Variants in CHN1 observed in about 807,000 individuals in gnomAD.
CHN1 encodes the protein N-chimaerin.
A neutral mutation model predicts 59.5 loss-of-function variants in CHN1; 37 were observed. The observed-to-expected ratio is 0.62, with a 90% CI of 0.48 to 0.82. The LOEUF is 0.82. Among genes scored for constraint, CHN1 ranks in the 40% least tolerant of loss-of-function variants. CHN1 has a pLI of 0.00. For synonymous variants in CHN1, 206 were observed against 200.4 expected, an observed-to-expected ratio of 1.03 and a Z score of -0.24; for missense variants, 469 against 571.0, an observed-to-expected ratio of 0.82 and a Z score of 1.82.
chr2:174,901,328 T>C (rs1169888606), intron 5 of CHN1, among the ~76,000 whole-genome samples: 1 of 152,210 alleles, frequency 6.6e-6, no homozygotes, highest in African/African-American at 2.4e-5. Flanking sequence ...TTCTAGGTTC[T>C]TTCTCTTTGC....
Position 175,004,888 on chromosome 2 carries a change from A to G in CHN1, c.19+6T>C. 6.7e-7 allele frequency: 1 copy of G among 1,503,740 alleles called. No individual in the cohort carries two copies. 93.1% of individuals were successfully genotyped at this position (1,503,740 alleles called of 1,614,324 possible). ...TGCGGCGGCGCGGGGAGACGGCTGC[A>G]CTTACCAAACAGGGTCAGGGCCATT... On this transcript the variant is annotated splice_donor_region_variant and intron_variant, in intron 1 of 12. Transcript: ENST00000409900.
intron 12 of CHN1, 34 bp from the exon 13 acceptor site, chr2:174,800,321 G>A: frequency 2.9e-6 from 4 of 1,395,204 alleles, no homozygotes; most frequent in Non-Finnish European, 3.7e-6. Flanking sequence ...AAATGACTTT[G>A]TGTAAGCCAT....
chr2:174,970,805 C>T (rs116291475), intron 1 of CHN1, among the ~76,000 whole-genome samples: 1,923 of 152,152 alleles, frequency 0.013, 35 homozygotes, highest in African/African-American at 0.043. Context: ...AGTGTAGTAT[C>T]AAAGAAAGAT....
intron 11 of CHN1, among the ~76,000 whole-genome samples, chr2:174,802,761 C>T (rs1684767762): frequency 6.6e-6 from 1 of 152,170 alleles, no homozygotes; most frequent in South Asian, 2.1e-4. Flanking sequence ...TGGGTTAGGC[C>T]AGATGCAGTG....
At chr2:174,857,707 G>A (rs1445014726) in intron 6 of CHN1, among the ~76,000 whole-genome samples, 2 of 151,954 alleles carry the variant, frequency 1.3e-5, no homozygotes, top group African/African-American at 4.8e-5. Flanking sequence ...GAATCTGAGG[G>A]GATACTTGGG....
At chr2:174,947,300 G>T (rs1288701347) in intron 2 of CHN1, among the ~76,000 whole-genome samples, 1 of 152,026 alleles carries the variant, frequency 6.6e-6, no homozygotes, top group Non-Finnish European at 1.5e-5. Context: ...GTTTCAAAGG[G>T]TATATAGTAT....
intron 7 of CHN1, among the ~76,000 whole-genome samples, chr2:174,832,157 T>C (rs1279521031): frequency 2.0e-5 from 3 of 152,084 alleles, no homozygotes. Flanking sequence ...TGTTAACATA[T>C]ATTACAATAT....
chr2:174,846,546 A>C, intron 7 of CHN1: 2 of 1,244,922 alleles, frequency 1.6e-6, no homozygotes, highest in Non-Finnish European at 2.2e-6. Context: ...AAAATCTCCA[A>C]CAGAGGTATT....
At chr2:174,991,209 G>A (rs1438640925) in intron 1 of CHN1, among the ~76,000 whole-genome samples, 2 of 152,186 alleles carry the variant, frequency 1.3e-5, no homozygotes, top group Non-Finnish European at 2.9e-5. Flanking sequence ...ACCAGGGTCT[G>A]AAAGGGAGAC....
At chr2:174,860,690 T>A (rs1375712056) in intron 6 of CHN1, among the ~76,000 whole-genome samples, 1 of 152,218 alleles carries the variant, frequency 6.6e-6, no homozygotes, top group African/African-American at 2.4e-5. Flanking sequence ...AAGTGCTGCA[T>A]GAATAATGTA....
intron 1 of CHN1, among the ~76,000 whole-genome samples, chr2:174,982,651 A>G (rs1323905416): frequency 6.6e-6 from 1 of 152,012 alleles, no homozygotes; most frequent in Non-Finnish European, 1.5e-5. Context: ...GTAATCCTTA[A>G]CCCCACCCAT....
At chr2:174,801,312 A>G (rs574729186) in intron 12 of CHN1, among the ~76,000 whole-genome samples, 1 of 151,936 alleles carries the variant, frequency 6.6e-6, no homozygotes, top group African/African-American at 2.4e-5. Context: ...CTTTTTTTGG[A>G]GCAAGAAGAT....
intron 3 of CHN1, among the ~76,000 whole-genome samples, chr2:174,943,993 A>G (rs1054615997): frequency 1.3e-5 from 2 of 152,090 alleles, no homozygotes; most frequent in East Asian, 1.9e-4. Flanking sequence ...CTTTCATATG[A>G]AAGAGGGACC....
intron 1 of CHN1, among the ~76,000 whole-genome samples, chr2:174,990,913 C>G (rs2105462593): frequency 6.6e-6 from 1 of 152,132 alleles, no homozygotes; most frequent in African/African-American, 2.4e-5. Flanking sequence ...ACTTAAGAGG[C>G]AAAATCATCT....
intron 6 of CHN1, among the ~76,000 whole-genome samples, chr2:174,872,621 C>G (rs187543603): frequency 3.3e-4 from 50 of 152,274 alleles, no homozygotes; most frequent in African/African-American, 1.2e-3. Context: ...AGAGATAGAG[C>G]TATCACCATA....
chr2:174,807,442 CTATCTGTGTGTGTGTGTGTGTGTGTGTG>C (rs1454503933), intron 11 of CHN1, among the ~76,000 whole-genome samples: 5 of 114,276 alleles, frequency 4.4e-5, no homozygotes, highest in Admixed American at 2.7e-4. Flanking sequence ...TTTTCACGGG[CTATCTGTGTGTGTGTGTGTGTGTGTGTG>C]TGTGTGTGTG....
At chr2:174,810,463 C>G (rs1270223761) in intron 10 of CHN1, among the ~76,000 whole-genome samples, 1 of 152,066 alleles carries the variant, frequency 6.6e-6, no homozygotes, top group African/African-American at 2.4e-5. Flanking sequence ...CTCTGGGGTC[C>G]ATAGGAACAT....
At chr2:174,851,331 G>A (rs1686721833) in intron 6 of CHN1, among the ~76,000 whole-genome samples, 2 of 152,004 alleles carry the variant, frequency 1.3e-5, no homozygotes, top group Non-Finnish European at 2.9e-5. Flanking sequence ...CCAGACTGGA[G>A]TGCAGTGGTG....
At chr2:174,805,344 A>G (rs1236687631) in intron 11 of CHN1, among the ~76,000 whole-genome samples, 1 of 152,234 alleles carries the variant, frequency 6.6e-6, no homozygotes, top group Non-Finnish European at 1.5e-5. Context: ...AATATGTGCA[A>G]ACTCTAACAT....
Sources: gnomAD v4.1 joint callset for allele counts (sites outside exome capture counted in the v4.1 genomes callset) on GRCh38, gnomAD v4.1.1 for gene constraint, MANE v1.5 for transcripts, NCBI Gene and HGNC (gene_info 2026-07-23, HGNC 2026-07-21) for gene names.